The following CHCHD10 variants were observed in gnomAD, a reference collection of about 807,000 sequenced individuals.
CHCHD10 encodes coiled-coil-helix-coiled-coil-helix domain containing 10.
CHCHD10 carries 10 observed loss-of-function variants against 14.8 expected under a neutral mutation model. The ratio of observed to expected loss-of-function variants is 0.67; its 90% CI spans 0.42 to 1.14. The LOEUF (loss-of-function observed/expected upper bound fraction) is 1.14. Among genes scored for constraint, CHCHD10 ranks in the 50% most tolerant of loss-of-function variants. The pLI, the probability that CHCHD10 is intolerant of heterozygous loss-of-function variation, is 0.00. For missense variants in CHCHD10, 203 were observed against 196.9 expected (o/e 1.03, Z -0.19); for synonymous variants, 90 against 85.2 (o/e 1.06, Z -0.31).
chr22:23,766,913 T>C (rs1396612484), intron 2 of CHCHD10, among the ~76,000 whole-genome samples: 1 of 152,220 alleles, frequency 6.6e-6, no homozygotes, highest in Admixed American at 6.5e-5. Flanking sequence ...ACCCCTGACC[T>C]AGCCACAAAG....
rs1484289366 is a variant in CHCHD10, at chr22:23,767,410, C to T, written c.225G>A (p.Gly75=). ...CAGGCTGGGAGGGCTCCGAGCTCCC[C>T]CCGCTGAAGGCTCCGGTCAGGGCGC... ...MGSALTGAFS[G]GSSEPSQPAV... is the part of the protein sequence containing the mutation. The change falls in exon 2 of 4, where the codon GGG becomes GGA. Residue 75 remains glycine, a synonymous_variant. Coordinates refer to ENST00000484558, the MANE Select transcript of CHCHD10 (RefSeq NM_213720.3). The T allele has an allele frequency of 5.6e-6, 9 of 1,608,302 alleles. No individual in the cohort carries two copies. The highest frequency in any genetic ancestry group is 7.6e-6 in the Non-Finnish European group (9 of 1,178,932).
Position 23,766,332 on chromosome 22 carries a change from C to T in CHCHD10, c.262-57G>A, listed in dbSNP as rs755979336. ...AGCTTGGAGTTGGCACCTGGAGGTG[C>T]GTTTCAAACCTGGGGCCACCTGCCC... On this transcript the variant is annotated intron_variant, in intron 2 of 3. Coordinates refer to ENST00000484558, the MANE Select transcript of CHCHD10 (RefSeq NM_213720.3). 1,891 of 1,479,194 alleles carry T rather than the reference C, an allele frequency of 1.3e-3. 1 individual carries two copies. Among genetic ancestry groups the T allele is most frequent in the Non-Finnish European group, 1.4e-3 (1,589 of 1,106,118 alleles). 91.6% of individuals were successfully genotyped at this position (1,479,194 alleles called of 1,614,324 possible). A position where few individuals can be genotyped will look rare whatever the true frequency, so the allele number is the denominator to read the frequency against.
rs2145928012 is a variant in CHCHD10, at chr22:23,767,848, G to C, written c.27C>G (p.Ala9=). 1 of 1,521,262 alleles carries C rather than the reference G, an allele frequency of 6.6e-7. No individual in the cohort carries two copies. Among genetic ancestry groups the C allele is most frequent in the Non-Finnish European group, 8.8e-7 (1 of 1,135,108 alleles). The allele number at this position is 1,521,262 out of a possible 1,614,324, so 94.2% of individuals were successfully genotyped here. Residue 9 remains alanine (A), a synonymous_variant, in exon 1 of 4, where the codon GCC becomes GCG. Coordinates refer to ENST00000484558, the MANE Select transcript of CHCHD10 (RefSeq NM_213720.3). ...CCCCCTCACACCTGGCTGGCCGGGA[G>C]GCCGCGCTGCGGCTTCCCCGAGGCA... The part of the protein sequence containing the change: MPRGSRSA[A]SRPASRPAAP...
Position 23,766,192 on chromosome 22 carries a change from A to G in CHCHD10, c.345T>C (p.Thr115=). 1 of 1,417,914 alleles carries G rather than the reference A, an allele frequency of 7.1e-7. No individual in the cohort carries two copies. Among genetic ancestry groups the G allele is most frequent in the Non-Finnish European group, 9.5e-7 (1 of 1,058,150 alleles). The allele number at this position is 1,417,914 out of a possible 1,614,324, so 87.8% of individuals were successfully genotyped here. ...EIRQFLDCST[T]QSDLSLCEGF... ...CCTCACACAGGGACAGGTCACTCTG[A>G]GTGGTGGAACAGTCCAGGAACTGCC... Residue 115 remains threonine (T), a synonymous_variant, in exon 3 of 4, where the codon ACT becomes ACC. Coordinates refer to ENST00000484558, the MANE Select transcript of CHCHD10 (RefSeq NM_213720.3).
intron 1 of CHCHD10, 42 bp from the exon 2 acceptor site, chr22:23,767,635 C>T (rs1227188766): frequency 6.3e-6 from 6 of 952,418 alleles, no homozygotes; most frequent in African/African-American, 1.8e-5. Flanking sequence ...TGGCCAGACC[C>T]CAGGCTGGAG....
chr22:23,767,233 T>C lies in CHCHD10; in HGVS notation c.261+141A>G, dbSNP rs1175850604. On this transcript the variant is annotated intron_variant, in intron 2 of 3. Transcript: ENST00000484558. Reference sequence around the variant, plus strand: ...TAAGTGACAGTGAACTCAAGACCAGTGGACTAGGACCCTTCCCGGGCAGAG... The same window carrying C: ...TAAGTGACAGTGAACTCAAGACCAGCGGACTAGGACCCTTCCCGGGCAGAG... 4 of 683,754 alleles carry C rather than the reference T, an allele frequency of 5.9e-6. No individual in the cohort carries two copies. The African/African-American group carries it at 7.3e-5, about 13-fold the overall frequency. 42.4% of individuals were successfully genotyped at this position (683,754 alleles called of 1,614,324 possible).
chr22:23,767,207 C>G (rs1251403554), intron 2 of CHCHD10, among the ~76,000 whole-genome samples, 167 bp downstream of exon 2: 1 of 152,216 alleles, frequency 6.6e-6, no homozygotes, highest in South Asian at 2.1e-4. Context: ...AAGCCTGCCT[C>G]TAAGTGACAG....
Position 23,766,134 on chromosome 22 carries a change from A to G in CHCHD10, c.403T>C (p.Tyr135His), listed in dbSNP as rs145649831. 4.1e-4 allele frequency: 668 copies of G among 1,613,528 alleles called. 1 individual carries two copies. The highest frequency in any genetic ancestry group is 1.3e-3 in the South Asian group (118 of 91,014). The change falls in exon 3 of 4, where the codon TAC (tyrosine) becomes CAC (histidine). Residue 135 changes from tyrosine to histidine, a missense_variant. Physicochemically the swap from Tyr to His is moderately conservative, Grantham distance 83. Transcript: ENST00000484558. ...TCGGGGTCCACTCACTCACCATGGT[A>G]GTACTTGCACTGCTTCAGGGCCTCG... ...FSEALKQCKYYHGLSSLP is the reference protein window; with the variant it reads ...FSEALKQCKYHHGLSSLP
Position 23,767,568 on chromosome 22 carries a change from G to C in CHCHD10, c.67C>G (p.Pro23Ala). 7.4e-7 allele frequency: 1 copy of C among 1,346,404 alleles called. No individual in the cohort carries two copies. The highest frequency in any genetic ancestry group is 9.6e-7 in the Non-Finnish European group (1 of 1,045,190). 83.4% of individuals were successfully genotyped at this position (1,346,404 alleles called of 1,614,324 possible). The change falls in exon 2 of 4, where the codon CCG (proline) becomes GCG (alanine). Residue 23 changes from proline (P) to alanine (A), a missense_variant. By Grantham distance (27) the Pro-to-Ala change is conservative. Coordinates refer to ENST00000484558, the MANE Select transcript of CHCHD10 (RefSeq NM_213720.3). ...GCCGAGGGCGGTGGGTGCGCGGGCGGGTGGGCAGAGGGCGCGGCTGGGCGG... is the reference window on the plus strand; with the variant it reads ...GCCGAGGGCGGTGGGTGCGCGGGCGCGTGGGCAGAGGGCGCGGCTGGGCGG... The part of the protein sequence containing the change: ...ASRPAAPSAH[P>A]PAHPPPSAAA...
intron 2 of CHCHD10, 78 bp from the exon 3 acceptor site, chr22:23,766,353 T>C: frequency 7.5e-7 from 1 of 1,324,690 alleles, no homozygotes; most frequent in Non-Finnish European, 1.0e-6. Context: ...TGGGGCCACC[T>C]GCCCCTCCCC....
In CHCHD10 at chr22:23,766,507, C is replaced by T. The variant is rs1252415798; in HGVS notation, c.262-232G>A. 1.0e-5 allele frequency: 5 copies of T among 488,776 alleles called. No homozygotes were observed. The East Asian group carries it at 1.8e-4, about 17-fold the overall frequency. The allele number at this position is 488,776 out of a possible 1,614,324, so 30.3% of individuals were successfully genotyped here. On this transcript the variant is annotated intron_variant, in intron 2 of 3. Coordinates refer to ENST00000484558, the MANE Select transcript of CHCHD10 (RefSeq NM_213720.3). ...TCACTCTGTCACCTAGAGTGGAGTG[C>T]AGCGGCGCAGTCTCGGCTCACTGCA...
Position 23,767,859 on chromosome 22 carries a change from G to A in CHCHD10, c.16C>T (p.Arg6Cys). 2 of 1,518,208 alleles carry A rather than the reference G, an allele frequency of 1.3e-6. No individual in the cohort carries two copies. Among genetic ancestry groups the A allele is most frequent in the South Asian group, 1.2e-5 (1 of 81,072 alleles). 94.0% of individuals were successfully genotyped at this position (1,518,208 alleles called of 1,614,324 possible). Residue 6 changes from arginine to cysteine, a missense_variant, in exon 1 of 4, where the codon CGC becomes TGC. Arg to Cys is a radical substitution (Grantham distance 180). Transcript: ENST00000484558. MPRGS[R>C]SAASRPASRP... Reference sequence around the variant, plus strand: ...CTGGCTGGCCGGGAGGCCGCGCTGCGGCTTCCCCGAGGCATGGTGGCGGCG... The same window carrying A: ...CTGGCTGGCCGGGAGGCCGCGCTGCAGCTTCCCCGAGGCATGGTGGCGGCG...
Position 23,766,263 on chromosome 22 carries a change from C to CGGG in CHCHD10, c.271_273dup (p.Pro91dup). Reference sequence around the variant, plus strand: ...CCCATCTGCAGGGGCTGGGGGGCAGCGGGGGTGGGGGCCTGGGGGTACAGT... The same window carrying CGGG: ...CCCATCTGCAGGGGCTGGGGGGCAGCGGGGGGGGTGGGGGCCTGGGGGTACAGT... On this transcript the variant is annotated inframe_insertion, in exon 3 of 4. Transcript: ENST00000484558. The CGGG allele has an allele frequency of 2.3e-5, 18 of 790,188 alleles. No homozygotes were observed. The highest frequency in any genetic ancestry group is 4.4e-5 in the South Asian group (2 of 45,892). The allele number at this position is 790,188 out of a possible 1,614,324, so 48.9% of individuals were successfully genotyped here.
At position 23,766,231 on chromosome 22, in the gene CHCHD10, G is replaced by C. The variant is rs527737360; in HGVS notation, c.306C>G (p.Cys102Trp). Reference protein sequence around the residue: ...AAPQPLQMGPCAYEIRQFLDC... With the variant: ...AAPQPLQMGPWAYEIRQFLDC... ...CCAGGAACTGCCTGATCTCGTAGGC[G>C]CAGGGCCCCATCTGCAGGGGCTGGG... Residue 102 changes from cysteine to tryptophan, a missense_variant, in exon 3 of 4, where the codon TGC (cysteine) becomes TGG (tryptophan). Cys to Trp is a radical substitution (Grantham distance 215, BLOSUM62 -2). Coordinates refer to ENST00000484558, the MANE Select transcript of CHCHD10 (RefSeq NM_213720.3). The C allele has an allele frequency of 1.9e-6, 3 of 1,582,220 alleles. No homozygotes were observed. Among genetic ancestry groups the C allele is most frequent in the Non-Finnish European group, 2.6e-6 (3 of 1,164,520 alleles).
intron 2 of CHCHD10, 98 bp downstream of exon 2, chr22:23,767,276 G>A (rs1354485596): frequency 1.9e-6 from 2 of 1,027,644 alleles, no homozygotes; most frequent in African/African-American, 1.6e-5. Flanking sequence ...CTGAAGCAAT[G>A]GTGAATACAC....
rs374353973 is a variant in CHCHD10 at position 23,766,263 on chromosome 22, C to T, written c.274G>A (p.Ala92Thr). 4.8e-5 allele frequency: 38 copies of T among 791,024 alleles called. No individual in the cohort carries two copies. The highest frequency in any genetic ancestry group is 7.0e-5 in the Admixed American group (2 of 28,494). The allele number at this position is 791,024 out of a possible 1,614,324, so 49.0% of individuals were successfully genotyped here. A position where few individuals can be genotyped will look rare whatever the true frequency, so the allele number is the denominator to read the frequency against. The change falls in exon 3 of 4, where the codon GCT becomes ACT. Residue 92 changes from alanine to threonine, a missense_variant. Transcript: ENST00000484558. ...QPAVQQAPTP[A>T]APQPLQMGPC... ...CCCATCTGCAGGGGCTGGGGGGCAG[C>T]GGGGGTGGGGGCCTGGGGGTACAGT...
chr22:23,766,092 C>T, intron 3 of CHCHD10, 36 bp downstream of exon 3: 1 of 1,613,172 alleles, frequency 6.2e-7, no homozygotes, highest in Non-Finnish European at 8.5e-7. Context: ...GTTGGCCTCT[C>T]CCCCTCCCCG....
At chr22:23,767,740 CG>C in intron 1 of CHCHD10, 93 bp downstream of exon 1, 1 of 1,162,886 alleles carries the variant, frequency 8.6e-7, no homozygotes, top group Admixed American at 2.5e-5. Flanking sequence ...GCCAAGATGG[CG>C]CAGCAGCAGC....
chr22:23,766,091 TC>T (rs1342237801), intron 3 of CHCHD10, 36 bp downstream of exon 3: 4 of 1,612,726 alleles, frequency 2.5e-6, no homozygotes, highest in African/African-American at 2.7e-5. Flanking sequence ...GGTTGGCCTC[TC>T]CCCCTCCCCG....
Sources: allele counts gnomAD v4.1 joint callset (sites outside exome capture counted in the v4.1 genomes callset), GRCh38; gene constraint gnomAD v4.1.1; transcripts MANE v1.5; gene names NCBI Gene and HGNC (gene_info 2026-07-23, HGNC 2026-07-21).